C3orf20: variants seen among roughly 807,000 people sequenced by gnomAD.
C3orf20 encodes uncharacterized protein C3orf20.
Under a neutral mutation model 88.3 loss-of-function variants are expected in C3orf20, and 76 were observed. That is an observed-to-expected ratio of 0.86 (90% CI 0.72 to 1.04). The LOEUF (loss-of-function observed/expected upper bound fraction) is 1.04, where lower values mean the gene tolerates loss of function less well. Ranked by LOEUF, C3orf20 falls within the 50% of genes least tolerant of loss-of-function variation. The pLI, the probability that C3orf20 is intolerant of heterozygous loss-of-function variation, is 0.00. For missense variants in C3orf20, 1,056 were observed against 1,123.3 expected, an observed-to-expected ratio of 0.94 and a Z score of 0.86; for synonymous variants, 436 against 437.4, an observed-to-expected ratio of 1.00 and a Z score of 0.04.
chr3:14,690,712 G>C (rs2032684862), intron 5 of C3orf20, among the ~76,000 whole-genome samples: 1 of 152,250 alleles, frequency 6.6e-6, no homozygotes, highest in South Asian at 2.1e-4. Flanking sequence ...GGAGAGACAG[G>C]CTGGGGCTGC....
chr3:14,731,708 G>A (rs1024416972), intron 12 of C3orf20, among the ~76,000 whole-genome samples: 4 of 152,310 alleles, frequency 2.6e-5, no homozygotes, highest in East Asian at 3.9e-4. Context: ...AGGAAAACAG[G>A]TATTCAGCAT....
At position 14,738,988 on chromosome 3, in the gene C3orf20, G is replaced by A. The variant is rs377445633; in HGVS notation, c.1940+10300G>A. On this transcript the variant is annotated intron_variant, in intron 12 of 16. Coordinates refer to ENST00000253697, the MANE Select transcript of C3orf20 (RefSeq NM_032137.5). ...GTATTTTTAGTAGAGACGGGGTTTC[G>A]CCATGTTGGTCAGGCTAGTCTCAAA... 1.1e-4 allele frequency among the ~76,000 whole-genome samples: 17 copies of A among 148,496 alleles called. No homozygotes were observed. In the South Asian group the frequency reaches 1.7e-3, roughly 15 times the overall value.
In C3orf20 at chr3:14,726,933, G is replaced by C; in HGVS notation, c.1599G>C (p.Lys533Asn). ...LNRRISNMDDKVYKMSRALAE... is the reference protein window; with the variant it reads ...LNRRISNMDDNVYKMSRALAE... The stretch of plus-strand genomic sequence containing the variant: ...GCAGAATCAGCAACATGGACGACAA[G>C]GTGTATAAGATGAGCCGAGCCCTGG... The change falls in exon 11 of 17, where the codon AAG (lysine) becomes AAC (asparagine). Residue 533 changes from lysine to asparagine, a missense_variant. By Grantham distance (94) the Lys-to-Asn change is moderately conservative (BLOSUM62 0). Transcript: ENST00000253697. The C allele has an allele frequency of 6.2e-7, 1 of 1,614,136 alleles. No individual in the cohort carries two copies. The highest frequency in any genetic ancestry group is 8.5e-7 in the Non-Finnish European group (1 of 1,180,024).
intron 1 of C3orf20, among the ~76,000 whole-genome samples, chr3:14,678,793 G>A (rs2031927381): frequency 6.6e-6 from 1 of 152,156 alleles, no homozygotes; most frequent in Non-Finnish European, 1.5e-5. Context: ...GAGAAGACAT[G>A]GCCCCTGCCC....
intron 12 of C3orf20, among the ~76,000 whole-genome samples, chr3:14,749,280 T>C (rs2035151533): frequency 6.6e-6 from 1 of 152,240 alleles, no homozygotes; most frequent in Non-Finnish European, 1.5e-5. Context: ...TGGTTATTTT[T>C]TTCCTTTAGG....
Position 14,715,414 on chromosome 3 carries a change from G to A in C3orf20, c.1434+5G>A. 3.1e-6 allele frequency: 5 copies of A among 1,610,238 alleles called. No homozygotes were observed. Among genetic ancestry groups the A allele is most frequent in the Non-Finnish European group, 4.2e-6 (5 of 1,178,746 alleles). On this transcript the variant is annotated splice_donor_5th_base_variant and intron_variant, in intron 9 of 16. Transcript: ENST00000253697. ...CTGCTTTCCCTGGAATACAAGGTAG[G>A]GATGGGCAGCACAGGTTGGGTGGCA...
chr3:14,684,330 C>A lies in C3orf20; in HGVS notation c.573C>A (p.Cys191Ter). 1 of 1,614,150 alleles carries A rather than the reference C, an allele frequency of 6.2e-7. No homozygotes were observed. Among genetic ancestry groups the A allele is most frequent in the Non-Finnish European group, 8.5e-7 (1 of 1,180,028 alleles). The change falls in exon 4 of 17, where the codon TGC (cysteine) becomes TGA (stop). Residue 191 changes from cysteine to a stop codon, truncating the protein, a stop_gained. Coordinates refer to ENST00000253697, the MANE Select transcript of C3orf20 (RefSeq NM_032137.5). LOFTEE classifies it high-confidence loss of function. ...HLNAKEMAFN[C>*]LISTAGRSGY... ...ATGCCAAGGAGATGGCCTTCAACTGCCTGATCAGCACAGCCGGGAGAAGTG... is the reference window on the plus strand; with the variant it reads ...ATGCCAAGGAGATGGCCTTCAACTGACTGATCAGCACAGCCGGGAGAAGTG...
At chr3:14,686,237 T>C (rs1335425460) in intron 4 of C3orf20, among the ~76,000 whole-genome samples, 2 of 151,868 alleles carry the variant, frequency 1.3e-5, no homozygotes, top group African/African-American at 2.4e-5. Flanking sequence ...CATTTATCCT[T>C]TGATGAACAT....
intron 12 of C3orf20, among the ~76,000 whole-genome samples, chr3:14,734,902 T>G (rs945997437): frequency 2.0e-5 from 3 of 152,096 alleles, no homozygotes; most frequent in African/African-American, 7.2e-5. Context: ...AACTTAAAAT[T>G]GTAAACATTG....
intron 15 of C3orf20, among the ~76,000 whole-genome samples, chr3:14,763,547 G>A (rs1184908129): frequency 6.6e-6 from 1 of 152,190 alleles, no homozygotes; most frequent in Non-Finnish European, 1.5e-5. Context: ...AATTTGGGGG[G>A]ACATAGACGT....
At chr3:14,685,512 A>G (rs6769458) in intron 4 of C3orf20, among the ~76,000 whole-genome samples, 108,370 of 145,154 alleles carry the variant, frequency 0.75, 40,656 homozygotes, top group South Asian at 0.84. Flanking sequence ...GTGTGTGTGT[A>G]TGTGTGTTAA....
intron 12 of C3orf20, among the ~76,000 whole-genome samples, chr3:14,756,073 TCTGTCCTGC>T (rs1472633055): frequency 2.0e-5 from 3 of 150,804 alleles, no homozygotes; most frequent in Non-Finnish European, 4.4e-5. Flanking sequence ...AAAAAGAGTT[TCTGTCCTGC>T]CTGTTGCACA....
chr3:14,761,605 T>C lies in C3orf20; in HGVS notation c.2485T>C (p.Tyr829His). Reference protein sequence around the residue: ...YKMGYFLPDDYKFSVPNSVLS... With the variant: ...YKMGYFLPDDHKFSVPNSVLS... Reference sequence around the variant, plus strand: ...GATGGGCTACTTCCTGCCGGATGACTACAAATTCAGGTAAAACAGGAAACA... The same window carrying C: ...GATGGGCTACTTCCTGCCGGATGACCACAAATTCAGGTAAAACAGGAAACA... Residue 829 changes from tyrosine to histidine, a missense_variant, in exon 15 of 17, where the codon TAC becomes CAC. Tyr to His is a moderately conservative substitution (Grantham distance 83, BLOSUM62 2). Transcript: ENST00000253697. The C allele has an allele frequency of 6.2e-7, 1 of 1,613,812 alleles. No individual in the cohort carries two copies. The highest frequency in any genetic ancestry group is 8.5e-7 in the Non-Finnish European group (1 of 1,179,978).
intron 5 of C3orf20, among the ~76,000 whole-genome samples, chr3:14,695,130 A>G (rs186528769): frequency 1.7e-4 from 26 of 152,288 alleles, no homozygotes; most frequent in Admixed American, 1.5e-3. Context: ...CTTAACAGCT[A>G]TAAATTTTCC....
In C3orf20 at chr3:14,757,572, G is replaced by A. The variant is rs769834608; in HGVS notation, c.2142G>A (p.Gly714=). ...ACCCCAGCCAAGTGCTGGTGTTTGG[G>A]ATCATCTCAAGCCAGAACTACACCA... is the stretch of plus-strand genomic sequence containing the variant. ...PRDPSQVLVF[G]IISSQNYTST... is the part of the protein sequence containing the mutation. The change falls in exon 13 of 17, where the codon GGG becomes GGA. Residue 714 remains glycine, a synonymous_variant. Transcript: ENST00000253697. 6.2e-7 allele frequency: 1 copy of A among 1,614,068 alleles called. No homozygotes were observed.
chr3:14,692,133 C>G (rs1290269608), intron 5 of C3orf20, among the ~76,000 whole-genome samples: 1 of 152,116 alleles, frequency 6.6e-6, no homozygotes, highest in Non-Finnish European at 1.5e-5. Flanking sequence ...CTTTCTTCAT[C>G]CATTTATCTG....
intron 4 of C3orf20, 131 bp downstream of exon 4, chr3:14,684,513 A>G (rs1344243176): frequency 8.1e-7 from 1 of 1,230,190 alleles, no homozygotes; most frequent in African/African-American, 1.5e-5. Flanking sequence ...AGCAACAGGG[A>G]TTTTCAAATG....
rs2035767385 is a variant in C3orf20 at position 14,768,162 on chromosome 3, G to A, written c.2496-3905G>A. Among the ~76,000 whole-genome samples, 1 of 152,112 alleles carries A rather than the reference G, an allele frequency of 6.6e-6. No homozygotes were observed. The highest frequency in any genetic ancestry group is 1.5e-5 in the Non-Finnish European group (1 of 68,028). On this transcript the variant is annotated intron_variant, in intron 15 of 16. Transcript: ENST00000253697. This position sits in a 1 kb window ranked among gnomAD's most constrained non-coding sequence, Gnocchi z 4.1. ...GGAAGAGACTAGGTGGAGGCAGGAG[G>A]GGTAGGCAGGGGAGTGGGGAGGGCA...
rs536253916 is a variant in C3orf20, at chr3:14,769,423, T to C, written c.2496-2644T>C. On this transcript the variant is annotated intron_variant, in intron 15 of 16. Coordinates refer to ENST00000253697, the MANE Select transcript of C3orf20 (RefSeq NM_032137.5). ...GGCTGTTAGAAAAACATGCTGATAG[T>C]TTGGGCCATGTATCTGTAACATGCT... Among the ~76,000 whole-genome samples the C allele has an allele frequency of 1.7e-4, 26 of 151,516 alleles. No individual in the cohort carries two copies. In the East Asian group the frequency reaches 3.1e-3, roughly 18 times the overall value.
Sources: gnomAD v4.1 joint callset for allele counts (sites outside exome capture counted in the v4.1 genomes callset) on GRCh38, gnomAD v4.1.1 for gene constraint, Gnocchi (gnomAD v3.1) non-coding constraint, MANE v1.5 for transcripts, NCBI Gene and HGNC (gene_info 2026-07-23, HGNC 2026-07-21) for gene names.